Variants in DCC observed in about 807,000 individuals in gnomAD.
DCC encodes the protein netrin receptor DCC.
Under a neutral mutation model 172.5 loss-of-function variants are expected in DCC, and 58 were observed. The ratio of observed to expected loss-of-function variants is 0.34; its 90% CI spans 0.27 to 0.42. The LOEUF (loss-of-function observed/expected upper bound fraction) is 0.42, where lower values mean the gene tolerates loss of function less well. DCC is among the 10% of genes least tolerant of loss of function. The pLI, the probability that DCC is intolerant of heterozygous loss-of-function variation, is 1.00. For missense variants in DCC, 1,740 were observed against 1,791.0 expected (o/e 0.97, Z 0.51); for synonymous variants, 709 against 644.5 (o/e 1.10, Z -1.52).
At chr18:53,399,981 G>C (rs1909192566) in intron 18 of DCC, among the ~76,000 whole-genome samples, 1 of 152,094 alleles carries the variant, frequency 6.6e-6, no homozygotes, top group Admixed American at 6.5e-5. Context: ...ATTAATTAAG[G>C]GTTTTTAATA....
At chr18:53,198,448 TCTCTCTC>T (rs2055483291) in intron 9 of DCC, among the ~76,000 whole-genome samples, 1 of 129,068 alleles carries the variant, frequency 7.7e-6, no homozygotes, top group Admixed American at 7.6e-5. Flanking sequence ...TCTCTCTCTC[TCTCTCTC>T]ACACACACAC....
intron 22 of DCC, among the ~76,000 whole-genome samples, chr18:53,436,601 G>A (rs188135623): frequency 2.2e-4 from 33 of 152,126 alleles, no homozygotes; most frequent in African/African-American, 6.5e-4. Context: ...AAGACTTAGG[G>A]TTATCTCTCC....
At chr18:53,476,237 A>C (rs533746150) in intron 25 of DCC, among the ~76,000 whole-genome samples, 9 of 152,144 alleles carry the variant, frequency 5.9e-5, no homozygotes, top group African/African-American at 2.2e-4. Context: ...TTAATGCTGA[A>C]ATGAGTTAAG....
intron 5 of DCC, among the ~76,000 whole-genome samples, chr18:52,947,590 C>A (rs1392605075): frequency 3.9e-5 from 6 of 152,300 alleles, no homozygotes; most frequent in Admixed American, 2.0e-4. Context: ...CCTCTTGGGT[C>A]AGTCAGGCAA....
intron 2 of DCC, among the ~76,000 whole-genome samples, chr18:52,881,440 G>C (rs2039484801): frequency 6.6e-6 from 1 of 152,102 alleles, no homozygotes; most frequent in South Asian, 2.1e-4. Flanking sequence ...CAAGGTTCTA[G>C]AGAGTTCCCC....
chr18:52,514,818 A>G (rs914266092), intron 1 of DCC, among the ~76,000 whole-genome samples: 8 of 152,224 alleles, frequency 5.3e-5, no homozygotes, highest in African/African-American at 1.9e-4. Flanking sequence ...AAATATTGCC[A>G]TATTTAGATC....
chr18:53,242,290 T>C (rs2056306816), intron 12 of DCC, among the ~76,000 whole-genome samples: 1 of 152,130 alleles, frequency 6.6e-6, no homozygotes, highest in South Asian at 2.1e-4. Context: ...CAAAAAGACC[T>C]ATATGCTTAA....
chr18:52,662,120 C>T (rs770152154), intron 1 of DCC, among the ~76,000 whole-genome samples: 6 of 152,122 alleles, frequency 3.9e-5, no homozygotes, highest in African/African-American at 4.8e-5. Flanking sequence ...AATCAGCTGG[C>T]GGGCTTGTTA....
chr18:53,418,436 A>T (rs977375269), intron 21 of DCC, among the ~76,000 whole-genome samples: 1 of 152,182 alleles, frequency 6.6e-6, no homozygotes, highest in Non-Finnish European at 1.5e-5. Flanking sequence ...CCCAGAACAC[A>T]GCAAATTAGT....
At chr18:52,449,883 G>A (rs1598827986) in intron 1 of DCC, among the ~76,000 whole-genome samples, 1 of 152,242 alleles carries the variant, frequency 6.6e-6, no homozygotes, top group African/African-American at 2.4e-5. Flanking sequence ...TTCATCTTCT[G>A]CCATGATTGT....
intron 5 of DCC, among the ~76,000 whole-genome samples, chr18:52,950,742 G>A (rs1183170119): frequency 6.6e-6 from 1 of 151,444 alleles, no homozygotes; most frequent in African/African-American, 2.4e-5. Flanking sequence ...GGCTAACACG[G>A]TGAAACCCCG....
In DCC at chr18:53,035,180, G is replaced by GTA. The variant is rs538487527; in HGVS notation, c.986-28124_986-28123insAT. ...TTTATCTGTGTGTGTGTGTGTGTGT[G>GTA]TGTGAATTTTGGGAACATTACAGAT... On this transcript the variant is annotated intron_variant, in intron 5 of 28. Transcript: ENST00000442544. Among the ~76,000 whole-genome samples, 757 of 152,012 alleles carry GTA rather than the reference G, an allele frequency of 5.0e-3. 4 individuals are homozygous for GTA. The highest frequency in any genetic ancestry group is 9.5e-3 in the Admixed American group (145 of 15,224).
chr18:52,590,810 G>C (rs1011443402), intron 1 of DCC, among the ~76,000 whole-genome samples: 1 of 152,216 alleles, frequency 6.6e-6, no homozygotes, highest in Admixed American at 6.5e-5. Context: ...AAGATACACA[G>C]ATAAGTCTTT....
intron 2 of DCC, among the ~76,000 whole-genome samples, chr18:52,875,092 C>A (rs115776644): frequency 0.018 from 2,673 of 152,076 alleles, 65 homozygotes; most frequent in African/African-American, 0.047. Flanking sequence ...TGTACATCAA[C>A]GCAATGTTCC....
chr18:52,955,859 C>T (rs1162230148), intron 5 of DCC, among the ~76,000 whole-genome samples: 1 of 151,942 alleles, frequency 6.6e-6, no homozygotes, highest in Non-Finnish European at 1.5e-5. Flanking sequence ...GTATATTTAT[C>T]TTCTGTGATG....
At chr18:52,844,256 A>G (rs1242433153) in intron 2 of DCC, among the ~76,000 whole-genome samples, 1 of 152,178 alleles carries the variant, frequency 6.6e-6, no homozygotes, top group African/African-American at 2.4e-5. Context: ...CAAATGCATC[A>G]TTAGATGAAC....
intron 2 of DCC, among the ~76,000 whole-genome samples, chr18:52,891,281 C>T (rs191483867): frequency 8.6e-4 from 131 of 152,066 alleles, no homozygotes; most frequent in Non-Finnish European, 1.4e-3. Context: ...CAGGCAGCTC[C>T]CTTAGGGCAA....
At chr18:53,170,734 C>A (rs2144442050) in intron 8 of DCC, among the ~76,000 whole-genome samples, 1 of 152,222 alleles carries the variant, frequency 6.6e-6, no homozygotes, top group Admixed American at 6.5e-5. Context: ...CATTGTGATA[C>A]AAAATTTTTA....
At chr18:52,503,585 TTC>T (rs558746717) in intron 1 of DCC, among the ~76,000 whole-genome samples, 102 of 152,306 alleles carry the variant, frequency 6.7e-4, no homozygotes, top group African/African-American at 2.2e-3. Flanking sequence ...GGTGACAGAA[TTC>T]TCTCCTTGTT....
Sources: allele counts gnomAD v4.1 joint callset (sites outside exome capture counted in the v4.1 genomes callset), GRCh38; gene constraint gnomAD v4.1.1; transcripts MANE v1.5; gene names NCBI Gene and HGNC (gene_info 2026-07-23, HGNC 2026-07-21).